NRCAM: variants seen among roughly 807,000 people sequenced by gnomAD.
NRCAM encodes the protein neuronal cell adhesion molecule, also known as NgCAM-related cell adhesion molecule.
In NRCAM, 83 loss-of-function variants were observed where a neutral mutation model predicts 156.5. The observed-to-expected ratio is 0.53, with a 90% confidence interval of 0.44 to 0.64. NRCAM has a LOEUF of 0.64. Among genes scored for constraint, NRCAM ranks in the 30% least tolerant of loss-of-function variants. NRCAM has a pLI of 0.00. For missense variants in NRCAM, 1,417 were observed against 1,597.3 expected (o/e 0.89, Z 1.92); for synonymous variants, 538 against 563.9 (o/e 0.95, Z 0.65).
intron 30 of NRCAM, among the ~76,000 whole-genome samples, chr7:108,162,726 T>C (rs112715606): frequency 0.022 from 3,393 of 152,298 alleles, 77 homozygotes; most frequent in Non-Finnish European, 0.037. Flanking sequence ...AAGTATCGAA[T>C]ATTTCACTGC....
At chr7:108,191,906 A>G (rs578222794) in intron 17 of NRCAM, 53 bp from the exon 18 acceptor site, 20 of 1,549,096 alleles carry the variant, frequency 1.3e-5, no homozygotes, top group Admixed American at 5.8e-5. Context: ...GCCGTACCCT[A>G]TAATTGCTTC....
intron 2 of NRCAM, among the ~76,000 whole-genome samples, chr7:108,338,389 TAC>T (rs1371039516): frequency 6.6e-6 from 1 of 152,210 alleles, no homozygotes; most frequent in Non-Finnish European, 1.5e-5. Context: ...AAGGAAGCTC[TAC>T]ACTGTATCCT....
intron 3 of NRCAM, chr7:108,242,968 G>C (rs893230985): frequency 1.3e-5 from 2 of 152,026 alleles, no homozygotes. Context: ...AGTATACATG[G>C]AGTAAACTAT....
chr7:108,201,976 G>A (rs555757248), intron 13 of NRCAM, among the ~76,000 whole-genome samples: 73 of 152,296 alleles, frequency 4.8e-4, no homozygotes, highest in African/African-American at 1.6e-3. Flanking sequence ...GGCTCGGTTG[G>A]TAGCTGGACA....
At chr7:108,434,467 G>C (rs965833203) in intron 1 of NRCAM, among the ~76,000 whole-genome samples, 20 of 151,608 alleles carry the variant, frequency 1.3e-4, no homozygotes, top group African/African-American at 4.6e-4. Context: ...ATACTGAGTT[G>C]ACCAGGGCCA....
rs62467877 is a variant in NRCAM, at chr7:108,423,645, T to C, written c.-331-24052A>G. 4.3e-3 allele frequency among the ~76,000 whole-genome samples: 652 copies of C among 152,320 alleles called. 1 individual carries two copies. The highest frequency in any genetic ancestry group is 0.017 in the Middle Eastern group (5 of 294). On this transcript the variant is annotated intron_variant, in intron 1 of 32. Transcript: ENST00000379028. ...CTATATTCCAGCTAACAAAGATACA[T>C]GTTAATACTTTAAGCTCTGAACTTC... is the stretch of plus-strand genomic sequence containing the variant.
Position 108,148,933 on chromosome 7 carries a change from CT to C in NRCAM, c.*976del, listed in dbSNP as rs2039979803. 6.6e-6 allele frequency: 1 copy of C among 152,504 alleles called. No individual in the cohort carries two copies. The highest frequency in any genetic ancestry group is 2.4e-5 in the African/African-American group (1 of 41,392). 9.4% of individuals were successfully genotyped at this position (152,504 alleles called of 1,614,324 possible). A position where few individuals can be genotyped will look rare whatever the true frequency, so the allele number is the denominator to read the frequency against. ...TGTCTTATTTTTATTTTCATGTTTC[CT>C]TCTTTTCCCAGCATTGCAGTTTTCA... On this transcript the variant is annotated 3_prime_UTR_variant, in exon 33 of 33. Coordinates refer to ENST00000379028, the MANE Select transcript of NRCAM (RefSeq NM_001037132.4).
chr7:108,373,914 T>A (rs2099644978), intron 2 of NRCAM, among the ~76,000 whole-genome samples: 1 of 152,166 alleles, frequency 6.6e-6, no homozygotes, highest in Admixed American at 6.6e-5. Flanking sequence ...TTTAAGACAG[T>A]AATTCTTAAA....
At position 108,203,146 on chromosome 7, in the gene NRCAM, T is replaced by C. The variant is rs529888795; in HGVS notation, c.1207+4382A>G. Among the ~76,000 whole-genome samples, 53 of 152,308 alleles carry C rather than the reference T, an allele frequency of 3.5e-4. No homozygotes were observed. The South Asian group carries it at 9.1e-3, about 26-fold the overall frequency. ...GAAATGCTTTGCCCCATCCTGCCAATAGCAAGTTCATTTTCTTTCTGGTCC... is the reference window on the plus strand; with the variant it reads ...GAAATGCTTTGCCCCATCCTGCCAACAGCAAGTTCATTTTCTTTCTGGTCC... On this transcript the variant is annotated intron_variant, in intron 13 of 32. Coordinates refer to ENST00000379028, the MANE Select transcript of NRCAM (RefSeq NM_001037132.4).
intron 29 of NRCAM, 127 bp from the exon 30 acceptor site, chr7:108,167,200 T>A (rs915088998): frequency 1.2e-5 from 8 of 651,270 alleles, no homozygotes; most frequent in Non-Finnish European, 2.1e-5. Context: ...TTTACCATTT[T>A]AGATTATTAT....
chr7:108,187,278 C>A (rs1018768264), intron 20 of NRCAM, among the ~76,000 whole-genome samples: 1 of 152,192 alleles, frequency 6.6e-6, no homozygotes, highest in Admixed American at 6.5e-5. Context: ...CACCCACCAC[C>A]GAACTCTTCA....
At chr7:108,295,284 G>T (rs1049655045) in intron 3 of NRCAM, among the ~76,000 whole-genome samples, 3 of 152,170 alleles carry the variant, frequency 2.0e-5, no homozygotes, top group African/African-American at 7.2e-5. Context: ...CTATAGATGA[G>T]TAAAGTGGGG....
rs114200074 is a variant in NRCAM, at chr7:108,438,531, A to G, written c.-332+17712T>C. 9.9e-3 allele frequency among the ~76,000 whole-genome samples: 1,502 copies of G among 152,282 alleles called. 20 individuals are homozygous for G. Among genetic ancestry groups the G allele is most frequent in the African/African-American group, 0.034 (1,408 of 41,566 alleles). On this transcript the variant is annotated intron_variant, in intron 1 of 32. Transcript: ENST00000379028. The stretch of plus-strand genomic sequence containing the variant: ...CTAAATAAATGACTTCTATTAAAAA[A>G]TCTACAGTTAACATACCTAATATGA...
intron 8 of NRCAM, among the ~76,000 whole-genome samples, chr7:108,228,142 CA>C (rs2093765733): frequency 6.6e-6 from 1 of 152,004 alleles, no homozygotes; most frequent in Admixed American, 6.6e-5. Flanking sequence ...GCCAACATGG[CA>C]AAACCCTGTC....
At chr7:108,313,222 A>G (rs1377360146) in intron 2 of NRCAM, 1 of 152,182 alleles carries the variant, frequency 6.6e-6, no homozygotes, top group African/African-American at 2.4e-5. Flanking sequence ...TGACAAAGGC[A>G]GAGCAGTGGA....
At chr7:108,159,839 A>G (rs947844798) in intron 31 of NRCAM, among the ~76,000 whole-genome samples, 5 of 152,122 alleles carry the variant, frequency 3.3e-5, no homozygotes, top group African/African-American at 1.2e-4. Flanking sequence ...AACTATATTA[A>G]TGGTTGAAAA....
chr7:108,282,687 C>T (rs1269683), intron 3 of NRCAM, among the ~76,000 whole-genome samples: 135,312 of 152,242 alleles, frequency 0.89, 60,254 homozygotes, highest in African/African-American at 0.92. Flanking sequence ...TCATCCTTTG[C>T]GGATTGTTCT....
chr7:108,379,842 G>A (rs1211916108), intron 2 of NRCAM, among the ~76,000 whole-genome samples: 2 of 152,048 alleles, frequency 1.3e-5, no homozygotes, highest in African/African-American at 4.8e-5. Context: ...TACAGCACGA[G>A]CAGAGGGAAA....
At chr7:108,402,662 T>C (rs2099796123) in intron 1 of NRCAM, among the ~76,000 whole-genome samples, 1 of 152,220 alleles carries the variant, frequency 6.6e-6, no homozygotes, top group South Asian at 2.1e-4. Flanking sequence ...CTCACAATTC[T>C]GGCCATTGGA....
Sources: gnomAD v4.1 joint callset for allele counts (sites outside exome capture counted in the v4.1 genomes callset) on GRCh38, gnomAD v4.1.1 for gene constraint, MANE v1.5 for transcripts, NCBI Gene and HGNC (gene_info 2026-07-23, HGNC 2026-07-21) for gene names.